The following MYO18B variants were observed in gnomAD, a reference collection of about 807,000 sequenced individuals.
MYO18B encodes the protein unconventional myosin-XVIIIb.
A neutral mutation model predicts 273.0 loss-of-function variants in MYO18B; 204 were observed. That is an observed-to-expected ratio of 0.75 (90% CI 0.67 to 0.84). The LOEUF (loss-of-function observed/expected upper bound fraction) is 0.84, where lower values mean the gene tolerates loss of function less well. Among genes scored for constraint, MYO18B ranks in the 40% least tolerant of loss-of-function variants. The probability of loss-of-function intolerance (pLI) is 0.00; values close to 1 mark genes in which losing one functional copy is unlikely to be tolerated. For synonymous variants in MYO18B, 1,330 were observed against 1,305.7 expected (o/e 1.02, Z -0.40); for missense variants, 3,212 against 3,287.6 (o/e 0.98, Z 0.56).
intron 33 of MYO18B, among the ~76,000 whole-genome samples, chr22:25,913,716 C>A (rs975904893): frequency 9.2e-5 from 14 of 152,178 alleles, no homozygotes; most frequent in Non-Finnish European, 1.8e-4. Context: ...AAGTTTGTCT[C>A]CTTTTTCTCT....
rs142903746 is a variant in MYO18B at position 25,909,447 on chromosome 22, C to T, written c.5259+1015C>T. On this transcript the variant is annotated intron_variant, in intron 32 of 43. Coordinates refer to ENST00000335473, the MANE Select transcript of MYO18B (RefSeq NM_032608.7). ...GCCTTGTATTTCTCTCCATCCTAAA[C>T]GAAATTTCTGAAACGAACTTGCTTT... 2.4e-3 allele frequency among the ~76,000 whole-genome samples: 358 copies of T among 152,308 alleles called. 3 individuals carry two copies. The highest frequency in any genetic ancestry group is 7.7e-3 in the African/African-American group (321 of 41,576).
intron 18 of MYO18B, among the ~76,000 whole-genome samples, 198 bp from the exon 19 acceptor site, chr22:25,845,902 A>G (rs931341395): frequency 6.6e-6 from 1 of 152,256 alleles, no homozygotes; most frequent in East Asian, 1.9e-4. Flanking sequence ...AGGAGCTGGC[A>G]TTTGCCATGA....
At position 25,878,067 on chromosome 22, in the gene MYO18B, T is replaced by C; in HGVS notation, c.4314+19T>C. ...AAGCAAGGTATCCCCATCCCTCCTC[T>C]TGGGTCCTTGTGGGGGGTCTTTATG... is the stretch of plus-strand genomic sequence containing the variant. On this transcript the variant is annotated intron_variant, in intron 25 of 43. Coordinates refer to ENST00000335473, the MANE Select transcript of MYO18B (RefSeq NM_032608.7). The C allele has an allele frequency of 6.4e-7, 1 of 1,558,260 alleles. No homozygotes were observed. The highest frequency in any genetic ancestry group is 8.7e-7 in the Non-Finnish European group (1 of 1,148,328).
rs745572594 is a variant in MYO18B, at chr22:25,823,580, T to C, written c.2597T>C (p.Leu866Pro). The change falls in exon 13 of 44, where the codon CTG (leucine) becomes CCG (proline). Residue 866 changes from leucine (L) to proline (P), a missense_variant. Physicochemically the swap from Leu to Pro is moderately conservative, Grantham distance 98. Transcript: ENST00000335473. The stretch of plus-strand genomic sequence containing the variant: ...GCCCTGGGCTGCGAGTATGAGGAGC[T>C]GAACACGGCCACCTTCAAGCACCAC... ...AEALGCEYEE[L>P]NTATFKHHLR... The C allele has an allele frequency of 5.6e-6, 9 of 1,613,814 alleles. No homozygotes were observed. Among genetic ancestry groups the C allele is most frequent in the African/African-American group, 1.3e-5 (1 of 74,898 alleles).
At chr22:25,799,131 T>TGTGTGTG (rs2088065811) in intron 12 of MYO18B, among the ~76,000 whole-genome samples, 1 of 145,142 alleles carries the variant, frequency 6.9e-6, no homozygotes, top group Non-Finnish European at 1.5e-5. Flanking sequence ...GTGTTTACGT[T>TGTGTGTG]TGTGTGTGTG....
intron 39 of MYO18B, among the ~76,000 whole-genome samples, chr22:25,972,529 C>G (rs961562332): frequency 6.6e-6 from 1 of 152,194 alleles, no homozygotes; most frequent in Non-Finnish European, 1.5e-5. Flanking sequence ...CAGCCCCACA[C>G]CTTTGAGTCA....
intron 33 of MYO18B, among the ~76,000 whole-genome samples, chr22:25,919,676 G>C: frequency 8.0e-6 from 1 of 124,316 alleles, no homozygotes. Context: ...TTGTGTGTGT[G>C]TATGTGTGTG....
intron 34 of MYO18B, among the ~76,000 whole-genome samples, chr22:25,924,984 T>A (rs181610639): frequency 6.6e-6 from 1 of 152,314 alleles, no homozygotes; most frequent in Admixed American, 6.5e-5. Flanking sequence ...ATTCCTATTT[T>A]TAACCCATTT....
At chr22:26,022,137 A>G (rs1038844744) in intron 42 of MYO18B, among the ~76,000 whole-genome samples, 22 of 152,094 alleles carry the variant, frequency 1.4e-4, no homozygotes, top group Non-Finnish European at 2.5e-4. Context: ...AGAGCCTTCT[A>G]TACGTCATCC....
At chr22:25,875,412 G>A (rs1056475235) in intron 23 of MYO18B, among the ~76,000 whole-genome samples, 9 of 152,222 alleles carry the variant, frequency 5.9e-5, no homozygotes, top group Admixed American at 4.6e-4. Context: ...TAGCACTTAC[G>A]AGCCTCAATG....
At chr22:25,793,095 GGA>G (rs1430287788) in intron 11 of MYO18B, among the ~76,000 whole-genome samples, 2 of 152,204 alleles carry the variant, frequency 1.3e-5, no homozygotes, top group Non-Finnish European at 2.9e-5. Flanking sequence ...AGGCATGGAA[GGA>G]GAGAGGCAGC....
the MYO18B span, among the ~76,000 whole-genome samples, chr22:26,051,378 C>G: frequency 6.6e-6 from 1 of 151,990 alleles, no homozygotes; most frequent in South Asian, 2.1e-4. Context: ...CGCCCACCAC[C>G]GCGCCCGGCT....
intron 39 of MYO18B, among the ~76,000 whole-genome samples, chr22:25,956,751 A>T (rs1399876023): frequency 1.3e-5 from 2 of 152,142 alleles, no homozygotes; most frequent in Non-Finnish European, 2.9e-5. Context: ...AGCCCACAAT[A>T]TGCCAAGCCT....
chr22:26,049,113 A>T, the MYO18B span, among the ~76,000 whole-genome samples: 1 of 152,218 alleles, frequency 6.6e-6, no homozygotes, highest in Admixed American at 6.5e-5. Flanking sequence ...TAGGACGGGA[A>T]TAGCAGACTA....
chr22:25,810,475 C>T (rs2088698060), intron 12 of MYO18B, among the ~76,000 whole-genome samples: 1 of 146,372 alleles, frequency 6.8e-6, no homozygotes, highest in Non-Finnish European at 1.5e-5. Context: ...TCTGTGTCAC[C>T]CAGGGTGGAG....
At chr22:25,950,518 ATGTGTGTGTG>A (rs59002655) in intron 37 of MYO18B, 68 bp downstream of exon 37, 7 of 606,200 alleles carry the variant, frequency 1.2e-5, no homozygotes, top group South Asian at 2.5e-5. Flanking sequence ...AACTAATAGG[ATGTGTGTGTG>A]TGTGTGTGTG....
chr22:25,888,177 A>G (rs2091556762), intron 25 of MYO18B, among the ~76,000 whole-genome samples: 1 of 152,216 alleles, frequency 6.6e-6, no homozygotes, highest in African/African-American at 2.4e-5. Flanking sequence ...GTTCATAAAA[A>G]TCACCCTGGA....
At chr22:25,989,493 G>A (rs556924420) in intron 39 of MYO18B, among the ~76,000 whole-genome samples, 8 of 152,136 alleles carry the variant, frequency 5.3e-5, no homozygotes, top group African/African-American at 1.9e-4. Flanking sequence ...GTAGAACAGA[G>A]TGGAGCTGGC....
intron 34 of MYO18B, among the ~76,000 whole-genome samples, chr22:25,928,361 G>A (rs1366212734): frequency 6.9e-6 from 1 of 145,422 alleles, no homozygotes; most frequent in African/African-American, 2.6e-5. Context: ...CTGAGCCCAG[G>A]AGTTTGAGAC....
Sources: allele counts gnomAD v4.1 joint callset (sites outside exome capture counted in the v4.1 genomes callset), GRCh38; gene constraint gnomAD v4.1.1; transcripts MANE v1.5; gene names NCBI Gene and HGNC (gene_info 2026-07-23, HGNC 2026-07-21).